The following KLHL29 variants were observed in gnomAD, a reference collection of about 807,000 sequenced individuals.
KLHL29 encodes kelch like family member 29.
Under a neutral mutation model 80.4 loss-of-function variants are expected in KLHL29, and 21 were observed. The observed-to-expected ratio is 0.26, with a 90% CI of 0.19 to 0.38. The LOEUF (loss-of-function observed/expected upper bound fraction) is 0.38, where lower values mean the gene tolerates loss of function less well. Among genes scored for constraint, KLHL29 ranks in the 10% least tolerant of loss-of-function variants. The probability of loss-of-function intolerance (pLI) is 1.00; values close to 1 mark genes in which losing one functional copy is unlikely to be tolerated. For synonymous variants in KLHL29, 511 were observed against 526.8 expected (o/e 0.97, Z 0.41); for missense variants, 867 against 1,223.9 (o/e 0.71, Z 4.35).
intron 2 of KLHL29, among the ~76,000 whole-genome samples, chr2:23,481,331 A>G (rs1003180189): frequency 6.6e-6 from 1 of 152,152 alleles, no homozygotes; most frequent in Non-Finnish European, 1.5e-5. Context: ...CTGCTCCTAC[A>G]CTTGTGATTC....
At chr2:23,525,192 A>G (rs2103473149) in intron 2 of KLHL29, among the ~76,000 whole-genome samples, 1 of 152,310 alleles carries the variant, frequency 6.6e-6, no homozygotes, top group South Asian at 2.1e-4. Context: ...AAAAAGCCAG[A>G]GAAGACTTGA....
At chr2:23,401,807 C>T (rs1666605634) in intron 1 of KLHL29, among the ~76,000 whole-genome samples, 1 of 152,234 alleles carries the variant, frequency 6.6e-6, no homozygotes, top group Admixed American at 6.5e-5. Flanking sequence ...CTAGAAGGCT[C>T]TGCCAGGTTC....
At chr2:23,582,015 C>T (rs1667996815) in intron 3 of KLHL29, among the ~76,000 whole-genome samples, 1 of 152,068 alleles carries the variant, frequency 6.6e-6, no homozygotes, top group African/African-American at 2.4e-5. Context: ...TGAGTCCAAC[C>T]CTCTGGCTGC....
At chr2:23,412,727 C>T (rs1666894900) in intron 1 of KLHL29, among the ~76,000 whole-genome samples, 1 of 152,166 alleles carries the variant, frequency 6.6e-6, no homozygotes, top group Non-Finnish European at 1.5e-5. Flanking sequence ...GGCAACACTG[C>T]GGAAATCCTC....
chr2:23,677,234 G>A (rs1295273781), intron 5 of KLHL29, among the ~76,000 whole-genome samples: 2 of 152,206 alleles, frequency 1.3e-5, no homozygotes, highest in East Asian at 1.9e-4. Flanking sequence ...GGCACGGAGG[G>A]GACCTCTGAG....
At chr2:23,414,316 C>G (rs958298389) in intron 1 of KLHL29, among the ~76,000 whole-genome samples, 8 of 150,960 alleles carry the variant, frequency 5.3e-5, no homozygotes, top group African/African-American at 1.5e-4. Flanking sequence ...GTGGGTGGCA[C>G]TAGGGGCTGT....
At chr2:23,479,658 T>C (rs1484356948) in intron 2 of KLHL29, among the ~76,000 whole-genome samples, 3 of 152,226 alleles carry the variant, frequency 2.0e-5, no homozygotes, top group Non-Finnish European at 4.4e-5. Context: ...AGATCCCTGC[T>C]GTCTGATTCA....
chr2:23,469,459 C>T (rs978074082), intron 1 of KLHL29, among the ~76,000 whole-genome samples: 12 of 152,224 alleles, frequency 7.9e-5, no homozygotes, highest in Non-Finnish European at 1.3e-4. Flanking sequence ...CCACGCAGCC[C>T]GCAGCACCAG....
rs565008516 is a variant in KLHL29 at position 23,584,009 on chromosome 2, T to C, written c.285+21528T>C. ...TTGCCAGCAGGTCATTTTATAGAATTCCAGGAAGGAACTGGTTCCAGTGAT... is the reference window on the plus strand; with the variant it reads ...TTGCCAGCAGGTCATTTTATAGAATCCCAGGAAGGAACTGGTTCCAGTGAT... On this transcript the variant is annotated intron_variant, in intron 3 of 13. Coordinates refer to ENST00000486442, the MANE Select transcript of KLHL29 (RefSeq NM_052920.2). Among the ~76,000 whole-genome samples the C allele has an allele frequency of 2.6e-5, 4 of 152,312 alleles. No individual in the cohort carries two copies. In the South Asian group the frequency reaches 8.3e-4, roughly 32 times the overall value.
At chr2:23,627,670 C>T (rs1244748852) in intron 3 of KLHL29, among the ~76,000 whole-genome samples, 2 of 152,062 alleles carry the variant, frequency 1.3e-5, no homozygotes, top group Non-Finnish European at 2.9e-5. Context: ...GTGACTCTGC[C>T]GCGTCCCCTC....
intron 3 of KLHL29, among the ~76,000 whole-genome samples, chr2:23,582,088 A>T (rs950823879): frequency 6.6e-6 from 1 of 152,286 alleles, no homozygotes; most frequent in South Asian, 2.1e-4. Flanking sequence ...CTCAGGGGCA[A>T]AACAGCTCCT....
intron 2 of KLHL29, among the ~76,000 whole-genome samples, chr2:23,521,001 C>CCT (rs1553334475): frequency 6.6e-5 from 10 of 152,078 alleles, no homozygotes; most frequent in East Asian, 3.9e-4. Context: ...CACCCCCCCC[C>CCT]CCGCTCCCCC....
intron 5 of KLHL29, among the ~76,000 whole-genome samples, chr2:23,657,094 G>A (rs1456405563): frequency 6.6e-6 from 1 of 152,170 alleles, no homozygotes; most frequent in African/African-American, 2.4e-5. Flanking sequence ...GCCAGAAGTG[G>A]GGTCCTCTGA....
At chr2:23,427,410 C>G (rs1376527498) in intron 1 of KLHL29, among the ~76,000 whole-genome samples, 1 of 152,160 alleles carries the variant, frequency 6.6e-6, no homozygotes, top group Non-Finnish European at 1.5e-5. Context: ...ATGGTGTGTC[C>G]TGATGAAAAA....
intron 2 of KLHL29, among the ~76,000 whole-genome samples, chr2:23,494,694 A>G (rs915657767): frequency 9.2e-5 from 14 of 152,052 alleles, no homozygotes; most frequent in African/African-American, 1.4e-4. Flanking sequence ...CAAACCCCCA[A>G]TCATGATTCT....
rs36116395 is a variant in KLHL29 at position 23,403,726 on chromosome 2, A to AGTGTGT, written c.-154+17980_-154+17985dup. Among the ~76,000 whole-genome samples the AGTGTGT allele has an allele frequency of 1.6e-3, 227 of 144,104 alleles. 2 individuals are homozygous for AGTGTGT. The highest frequency in any genetic ancestry group is 0.011 in the South Asian group (46 of 4,352). 94.5% of individuals were successfully genotyped at this position (144,104 alleles called of 152,430 possible). ...ATGAAACCCAAAGAGAGAGAGAGAG[A>AGTGTGT]GTGTGTGTGTGTGTGTGTGTGTGTG... is the stretch of plus-strand genomic sequence containing the variant. On this transcript the variant is annotated intron_variant, in intron 1 of 13. Transcript: ENST00000486442.
In KLHL29 at chr2:23,482,424, A is replaced by C. The variant is rs922957267; in HGVS notation, c.-46+6757A>C. Reference sequence around the variant, plus strand: ...CCTCCGTGAGGGCACCTGGCCAAGGAGACATGGGTGCTGACCCCCAGCCTG... The same window carrying C: ...CCTCCGTGAGGGCACCTGGCCAAGGCGACATGGGTGCTGACCCCCAGCCTG... On this transcript the variant is annotated intron_variant, in intron 2 of 13. Transcript: ENST00000486442. Among the ~76,000 whole-genome samples, 2 of 152,208 alleles carry C rather than the reference A, an allele frequency of 1.3e-5. 1 individual carries two copies. The highest frequency in any genetic ancestry group is 4.8e-5 in the African/African-American group (2 of 41,452).
intron 3 of KLHL29, among the ~76,000 whole-genome samples, chr2:23,603,974 G>C (rs892326035): frequency 2.0e-5 from 3 of 152,178 alleles, no homozygotes; most frequent in Admixed American, 2.0e-4. Context: ...CCATGAAGTC[G>C]GTTCTGTGAG....
At chr2:23,567,769 C>T (rs187030136) in intron 3 of KLHL29, among the ~76,000 whole-genome samples, 68 of 152,316 alleles carry the variant, frequency 4.5e-4, no homozygotes, top group Admixed American at 2.0e-4. Flanking sequence ...GCTGCCTTGC[C>T]GAGTGGGCTC....
Sources: gnomAD v4.1 joint callset for allele counts (sites outside exome capture counted in the v4.1 genomes callset) on GRCh38, gnomAD v4.1.1 for gene constraint, MANE v1.5 for transcripts, NCBI Gene and HGNC (gene_info 2026-07-23, HGNC 2026-07-21) for gene names.